Variants in PTK2B observed in about 807,000 individuals in gnomAD.
The protein encoded by PTK2B is protein tyrosine kinase 2 beta.
Under a neutral mutation model 142.9 loss-of-function variants are expected in PTK2B, and 71 were observed. The observed-to-expected ratio is 0.50, with a 90% CI of 0.41 to 0.61. The LOEUF (loss-of-function observed/expected upper bound fraction) is 0.61, where lower values mean the gene tolerates loss of function less well. Ranked by LOEUF, PTK2B falls within the 20% of genes least tolerant of loss-of-function variation. The pLI is 0.00. For missense variants in PTK2B, 1,105 were observed against 1,320.4 expected (o/e 0.84, Z 2.53); for synonymous variants, 519 against 503.4 (o/e 1.03, Z -0.42).
chr8:27,458,268 A>T, intron 30 of PTK2B, 26 bp from the exon 31 acceptor site: 1 of 1,605,884 alleles, frequency 6.2e-7, no homozygotes, highest in Non-Finnish European at 8.5e-7. Context: ...TGGCCTCTCA[A>T]CCTGTCCTGT....
chr8:27,315,197 C>T (rs1179246976), intron 3 of PTK2B, among the ~76,000 whole-genome samples: 1 of 152,194 alleles, frequency 6.6e-6, no homozygotes, highest in Non-Finnish European at 1.5e-5. Context: ...TCATGGTTCT[C>T]CTGCAATTAC....
chr8:27,386,990 A>G (rs1435095782), intron 1 of PTK2B, among the ~76,000 whole-genome samples: 2 of 152,186 alleles, frequency 1.3e-5, no homozygotes, highest in African/African-American at 2.4e-5. Flanking sequence ...ACATGTCAAA[A>G]GTCTGCATTC....
At chr8:27,449,709 A>G (rs1811686661) in intron 24 of PTK2B, among the ~76,000 whole-genome samples, 1 of 152,244 alleles carries the variant, frequency 6.6e-6, no homozygotes, top group Non-Finnish European at 1.5e-5. Flanking sequence ...GCACAACAAG[A>G]GCAAAATAGT....
intron 2 of PTK2B, among the ~76,000 whole-genome samples, chr8:27,404,841 C>G (rs1808603915): frequency 6.6e-6 from 1 of 152,096 alleles, no homozygotes; most frequent in Non-Finnish European, 1.5e-5. Flanking sequence ...TTTATGTCCC[C>G]TCACCCCCAA....
intron 2 of PTK2B, among the ~76,000 whole-genome samples, chr8:27,405,438 A>T (rs774743935): frequency 3.3e-5 from 5 of 152,216 alleles, no homozygotes; most frequent in Non-Finnish European, 5.9e-5. Flanking sequence ...TTTTTGAAAG[A>T]AAAGTTACCC....
At chr8:27,330,726 T>A (rs1269586950) in intron 1 of PTK2B, among the ~76,000 whole-genome samples, 1 of 152,174 alleles carries the variant, frequency 6.6e-6, no homozygotes, top group East Asian at 1.9e-4. Context: ...AGAGCAGACT[T>A]GAGGCTGCAT....
Position 27,444,415 on chromosome 8 carries a change from C to G in PTK2B, c.2214+144C>G, listed in dbSNP as rs138688576. The stretch of plus-strand genomic sequence containing the variant: ...GTTGACTCTTCTTTGGCACCCAGAA[C>G]AGAATGCAGACTCAGATCACAAGAA... On this transcript the variant is annotated intron_variant, in intron 23 of 30. Transcript: ENST00000346049. The G allele has an allele frequency of 1.5e-4, 126 of 845,186 alleles. No individual in the cohort carries two copies. In the East Asian group the frequency reaches 3.3e-3, roughly 22 times the overall value. 52.4% of individuals were successfully genotyped at this position (845,186 alleles called of 1,614,324 possible).
intron 26 of PTK2B, 76 bp from the exon 27 acceptor site, chr8:27,451,409 G>T: frequency 6.3e-7 from 1 of 1,599,396 alleles, no homozygotes. Context: ...AGGGACTGGG[G>T]AATGGGTAAC....
intron 1 of PTK2B, among the ~76,000 whole-genome samples, chr8:27,390,455 A>G (rs1409845290): frequency 2.0e-5 from 3 of 152,052 alleles, no homozygotes; most frequent in African/African-American, 7.2e-5. Flanking sequence ...GGCAACATAG[A>G]GAAACCCTAT....
intron 14 of PTK2B, 84 bp downstream of exon 14, chr8:27,435,877 C>A: frequency 6.8e-7 from 1 of 1,462,750 alleles, no homozygotes; most frequent in Non-Finnish European, 9.6e-7. Flanking sequence ...CCACAGGGAA[C>A]ATTCTTTTCC....
chr8:27,457,578 T>C (rs7838932), intron 30 of PTK2B, among the ~76,000 whole-genome samples: 2,186 of 152,346 alleles, frequency 0.014, 49 homozygotes, highest in African/African-American at 0.049. Flanking sequence ...CCATTCTAGA[T>C]AATATTAGGA....
rs150903356 is a variant in PTK2B at position 27,373,890 on chromosome 8, G to T, written c.-37-23658G>T. ...GAAAAATACGCCTCTTGAACAGGAG[G>T]TGTTTGGTGGGAGAAGAAAAGCCTC... is the stretch of plus-strand genomic sequence containing the variant. On this transcript the variant is annotated intron_variant, in intron 1 of 30. Coordinates refer to ENST00000346049, the MANE Select transcript of PTK2B (RefSeq NM_173176.3). 5.2e-3 allele frequency among the ~76,000 whole-genome samples: 783 copies of T among 151,990 alleles called. 4 individuals are homozygous for T. Among genetic ancestry groups the T allele is most frequent in the African/African-American group, 0.018 (735 of 41,450 alleles).
intron 1 of PTK2B, among the ~76,000 whole-genome samples, chr8:27,373,104 TG>T (rs1806459851): frequency 1.3e-5 from 2 of 152,134 alleles, no homozygotes; most frequent in Non-Finnish European, 2.9e-5. Context: ...CCATGCCTGA[TG>T]GGCTTCACTC....
intron 1 of PTK2B, among the ~76,000 whole-genome samples, chr8:27,346,352 T>G (rs1020845555): frequency 1.3e-5 from 2 of 151,880 alleles, no homozygotes; most frequent in African/African-American, 4.8e-5. Context: ...CTGGGCAACA[T>G]GACGAGACCC....
At chr8:27,431,181 T>C in intron 8 of PTK2B, 165 bp downstream of exon 8, 2 of 1,464,934 alleles carry the variant, frequency 1.4e-6, no homozygotes, top group East Asian at 2.4e-5. Context: ...TCCCCTTGCC[T>C]GAAGCAGGCA....
At chr8:27,405,069 T>TCTCTCTCTCTCTCTCTCTCTCTCTCTC (rs1470616137) in intron 2 of PTK2B, among the ~76,000 whole-genome samples, 28 of 143,914 alleles carry the variant, frequency 1.9e-4, no homozygotes, top group South Asian at 6.7e-4. Context: ...TCTCTCTCTC[T>TCTCTCTCTCTCTCTCTCTCTCTCTCTC]TAGCCATGTG....
chr8:27,337,750 TTTTG>T (rs1357307351), intron 1 of PTK2B, among the ~76,000 whole-genome samples: 2 of 152,246 alleles, frequency 1.3e-5, no homozygotes, highest in East Asian at 1.9e-4. Context: ...ATATGCCATA[TTTTG>T]TTTATCTCTT....
intron 2 of PTK2B, 94 bp downstream of exon 2, chr8:27,397,882 A>G: frequency 1.4e-6 from 2 of 1,389,190 alleles, no homozygotes; most frequent in South Asian, 1.2e-5. Context: ...CAGCTCTCCC[A>G]TATCCACCCC....
At chr8:27,437,304 G>T (rs1467925037) in intron 16 of PTK2B, 92 bp from the exon 17 acceptor site, 10 of 1,547,356 alleles carry the variant, frequency 6.5e-6, no homozygotes, top group Middle Eastern at 1.7e-4. Context: ...TGGAGGAGGG[G>T]TTCCCGTCCT....
Sources: allele counts gnomAD v4.1 joint callset (sites outside exome capture counted in the v4.1 genomes callset), GRCh38; gene constraint gnomAD v4.1.1; transcripts MANE v1.5; gene names NCBI Gene and HGNC (gene_info 2026-07-23, HGNC 2026-07-21).